Variants in PCNX1 observed in about 807,000 individuals in gnomAD.
The protein encoded by PCNX1 is pecanex 1.
In PCNX1, 78 loss-of-function variants were observed where a neutral mutation model predicts 242.2. That is an observed-to-expected ratio of 0.32 (90% confidence interval 0.27 to 0.39). The LOEUF is 0.39. Among genes scored for constraint, PCNX1 ranks in the 10% least tolerant of loss-of-function variants. The pLI is 1.00. For missense variants in PCNX1, 2,581 were observed against 2,856.5 expected (o/e 0.90, Z 2.20); for synonymous variants, 1,024 against 1,032.9 (o/e 0.99, Z 0.17).
intron 2 of PCNX1, among the ~76,000 whole-genome samples, chr14:70,949,326 T>C (rs1368519686): frequency 9.4e-5 from 14 of 148,642 alleles, no homozygotes; most frequent in East Asian, 2.0e-4. Context: ...TACACACGTG[T>C]ATACACGCAC....
At chr14:70,961,387 A>G (rs1031948093) in intron 2 of PCNX1, among the ~76,000 whole-genome samples, 1 of 152,206 alleles carries the variant, frequency 6.6e-6, no homozygotes, top group South Asian at 2.1e-4. Context: ...CTGATCTTTG[A>G]CAAACCTGAG....
intron 24 of PCNX1, among the ~76,000 whole-genome samples, chr14:71,054,615 T>A (rs548766702): frequency 6.6e-6 from 1 of 152,248 alleles, no homozygotes; most frequent in South Asian, 2.1e-4. Context: ...ATCTCATAAT[T>A]TTTCCATCAG....
At chr14:70,979,816 C>T (rs1052936635) in intron 6 of PCNX1, among the ~76,000 whole-genome samples, 8 of 151,948 alleles carry the variant, frequency 5.3e-5, no homozygotes, top group East Asian at 3.9e-4. Flanking sequence ...CTAATGGGAA[C>T]GTAAAGAAAT....
chr14:71,053,462 C>T (rs1280009027), intron 24 of PCNX1: 5 of 347,334 alleles, frequency 1.4e-5, no homozygotes, highest in African/African-American at 4.4e-5. Flanking sequence ...GGATTACAGG[C>T]GCCCACCAGC....
intron 28 of PCNX1, among the ~76,000 whole-genome samples, chr14:71,081,573 G>A (rs1241348969): frequency 1.3e-5 from 2 of 152,042 alleles, no homozygotes; most frequent in Non-Finnish European, 2.9e-5. Context: ...TCAGGGATTC[G>A]ACTTCTTCTT....
At chr14:70,917,660 T>C (rs1261797991) in intron 1 of PCNX1, among the ~76,000 whole-genome samples, 1 of 152,184 alleles carries the variant, frequency 6.6e-6, no homozygotes, top group Non-Finnish European at 1.5e-5. Context: ...CAGAATAAAT[T>C]TGGAATAATT....
chr14:70,998,612 A>G (rs1225542791), intron 8 of PCNX1, among the ~76,000 whole-genome samples: 1 of 151,900 alleles, frequency 6.6e-6, no homozygotes, highest in South Asian at 2.1e-4. Context: ...ATAGCCTGGC[A>G]TGGTGGCACG....
At chr14:71,104,929 A>T (rs975308900) in intron 32 of PCNX1, among the ~76,000 whole-genome samples, 5 of 152,226 alleles carry the variant, frequency 3.3e-5, no homozygotes, top group Admixed American at 2.6e-4. Context: ...TCTCAAAAAA[A>T]AAAAAATTCC....
chr14:71,001,736 A>T (rs1251210077), intron 8 of PCNX1, among the ~76,000 whole-genome samples: 1 of 152,222 alleles, frequency 6.6e-6, no homozygotes, highest in East Asian at 1.9e-4. Context: ...TAGATTCTTT[A>T]AAGGAGAGAC....
intron 7 of PCNX1, among the ~76,000 whole-genome samples, chr14:70,995,250 G>C (rs1183563663): frequency 6.6e-6 from 1 of 152,108 alleles, no homozygotes; most frequent in Non-Finnish European, 1.5e-5. Flanking sequence ...CATTTGATAA[G>C]ATTATTTGGT....
At chr14:70,938,590 CTT>C (rs1566590492) in intron 1 of PCNX1, among the ~76,000 whole-genome samples, 1 of 152,108 alleles carries the variant, frequency 6.6e-6, no homozygotes, top group Non-Finnish European at 1.5e-5. Flanking sequence ...CTAAAATTCT[CTT>C]TTTTGGTTGT....
chr14:70,945,711 A>T (rs1382232877), intron 1 of PCNX1, among the ~76,000 whole-genome samples: 4 of 151,582 alleles, frequency 2.6e-5, no homozygotes, highest in African/African-American at 7.3e-5. Flanking sequence ...TGTGTCACCC[A>T]GGCTGGAGTG....
chr14:70,970,993 T>G (rs2058521986), intron 5 of PCNX1, among the ~76,000 whole-genome samples: 1 of 152,178 alleles, frequency 6.6e-6, no homozygotes. Context: ...AAGCATGTTA[T>G]TGCTTAGAGA....
intron 1 of PCNX1, among the ~76,000 whole-genome samples, chr14:70,934,153 A>G (rs1186343783): frequency 1.3e-5 from 2 of 152,218 alleles, no homozygotes; most frequent in Non-Finnish European, 2.9e-5. Flanking sequence ...TGGTATGACC[A>G]TTTCTGTGAT....
At chr14:71,020,785 T>A (rs2060079238) in intron 12 of PCNX1, among the ~76,000 whole-genome samples, 1 of 152,242 alleles carries the variant, frequency 6.6e-6, no homozygotes, top group Non-Finnish European at 1.5e-5. Flanking sequence ...ATTTGTCTAT[T>A]TTGGCTTTTG....
chr14:71,069,595 C>G (rs147912803), intron 26 of PCNX1, among the ~76,000 whole-genome samples: 17 of 152,280 alleles, frequency 1.1e-4, no homozygotes, highest in Admixed American at 1.1e-3. Flanking sequence ...ACACAAATTG[C>G]TTGGTTTTCC....
chr14:71,018,524 G>A (rs2060015899), intron 11 of PCNX1, among the ~76,000 whole-genome samples: 1 of 151,994 alleles, frequency 6.6e-6, no homozygotes, highest in Admixed American at 6.6e-5. Context: ...TCTTTCAGAT[G>A]ACTGAGAGAT....
At position 71,045,236 on chromosome 14, in the gene PCNX1, C is replaced by G. The variant is rs745850058; in HGVS notation, c.3971C>G (p.Ser1324Cys). The change falls in exon 20 of 36, where the codon TCT becomes TGT. Residue 1324 changes from serine to cysteine, a missense_variant. Ser to Cys is a moderately radical substitution (Grantham distance 112). Coordinates refer to ENST00000304743, the MANE Select transcript of PCNX1 (RefSeq NM_014982.3). ...AAACAGCTACCATGGCACTGTTTCTCTCATCCTCTGCTAAAGACACTAGAG... is the reference window on the plus strand; with the variant it reads ...AAACAGCTACCATGGCACTGTTTCTGTCATCCTCTGCTAAAGACACTAGAG... ...VRKQLPWHCF[S>C]HPLLKTLEYN... 1.2e-6 allele frequency: 2 copies of G among 1,613,228 alleles called. No individual in the cohort carries two copies. The highest frequency in any genetic ancestry group is 2.2e-5 in the South Asian group (2 of 91,024).
chr14:70,957,671 A>G (rs1220398770), intron 2 of PCNX1, among the ~76,000 whole-genome samples: 1 of 152,144 alleles, frequency 6.6e-6, no homozygotes, highest in Admixed American at 6.6e-5. Context: ...TGAGGTGATA[A>G]AAGTGGTCTA....
Sources: gnomAD v4.1 joint callset for allele counts (sites outside exome capture counted in the v4.1 genomes callset) on GRCh38, gnomAD v4.1.1 for gene constraint, MANE v1.5 for transcripts, NCBI Gene and HGNC (gene_info 2026-07-23, HGNC 2026-07-21) for gene names.